KCNMA1: variants seen among roughly 807,000 people sequenced by gnomAD.
KCNMA1 encodes Calcium-activated potassium channel subunit alpha-1.
Under a neutral mutation model 140.0 loss-of-function variants are expected in KCNMA1, and 29 were observed. The observed-to-expected ratio is 0.21, with a 90% CI of 0.15 to 0.28. The LOEUF (loss-of-function observed/expected upper bound fraction) is 0.28. Ranked by LOEUF, KCNMA1 falls within the 10% of genes least tolerant of loss-of-function variation. The pLI, the probability that KCNMA1 is intolerant of heterozygous loss-of-function variation, is 1.00. For missense variants in KCNMA1, 880 were observed against 1,602.2 expected (o/e 0.55, Z 7.70); for synonymous variants, 612 against 611.9 (o/e 1.00, Z 0.00).
intron 2 of KCNMA1, among the ~76,000 whole-genome samples, chr10:77,285,185 T>C (rs1232120475): frequency 6.6e-6 from 1 of 152,246 alleles, no homozygotes; most frequent in Non-Finnish European, 1.5e-5. Flanking sequence ...GAGCAGAACA[T>C]CATGTATATT....
intron 1 of KCNMA1, among the ~76,000 whole-genome samples, chr10:77,464,280 G>A (rs1212199990): frequency 4.6e-5 from 7 of 152,052 alleles, no homozygotes; most frequent in East Asian, 1.9e-4. Context: ...TGCAGGCCTC[G>A]GAAGCATGGG....
In KCNMA1 at chr10:77,001,494, G is replaced by A. The variant is rs1010200875; in HGVS notation, c.2179C>T (p.Arg727Cys). Reference sequence around the variant, plus strand: ...AGGGTGTCCACGTTACCACGCACACGGCCTGACATGCATGAGCAGTCACGC... The same window carrying A: ...AGGGTGTCCACGTTACCACGCACACAGCCTGACATGCATGAGCAGTCACGC... Reference protein sequence around the residue: ...SERDCSCMSGRVRGNVDTLER... With the variant: ...SERDCSCMSGCVRGNVDTLER... The change falls in exon 19 of 28, where the codon CGT (arginine) becomes TGT (cysteine). Residue 727 changes from arginine to cysteine, a missense_variant. Physicochemically the swap from Arg to Cys is radical, Grantham distance 180. Transcript: ENST00000286628. 15 of 1,551,768 alleles carry A rather than the reference G, an allele frequency of 9.7e-6. No individual in the cohort carries two copies. Among genetic ancestry groups the A allele is most frequent in the Middle Eastern group, 1.7e-4 (1 of 6,014 alleles).
intron 2 of KCNMA1, among the ~76,000 whole-genome samples, chr10:77,380,068 T>A (rs1010045447): frequency 6.6e-6 from 1 of 152,196 alleles, no homozygotes; most frequent in African/African-American, 2.4e-5. Flanking sequence ...TCATTATTAG[T>A]TGGGGTTACA....
chr10:77,018,189 T>G (rs12266321), intron 17 of KCNMA1, among the ~76,000 whole-genome samples: 3,568 of 152,294 alleles, frequency 0.023, 198 homozygotes, highest in East Asian at 0.2. Context: ...CAGGCCTGGC[T>G]TTGACTAGGA....
At chr10:77,274,137 T>C (rs1315591994) in intron 2 of KCNMA1, among the ~76,000 whole-genome samples, 2 of 152,148 alleles carry the variant, frequency 1.3e-5, no homozygotes, top group South Asian at 2.1e-4. Flanking sequence ...TTAAGGATCA[T>C]GACAAGCCAT....
chr10:77,339,752 C>T (rs529261965), intron 2 of KCNMA1, among the ~76,000 whole-genome samples: 1 of 152,360 alleles, frequency 6.6e-6, no homozygotes, highest in South Asian at 2.1e-4. Flanking sequence ...TAATCACCTT[C>T]CAGCCTCCCT....
At chr10:77,476,299 A>C (rs930770200) in intron 1 of KCNMA1, among the ~76,000 whole-genome samples, 1 of 152,228 alleles carries the variant, frequency 6.6e-6, no homozygotes, top group African/African-American at 2.4e-5. Context: ...AGATGGCCCC[A>C]GAAAGGGACT....
chr10:77,623,359 G>A (rs2091869314), intron 1 of KCNMA1, among the ~76,000 whole-genome samples: 1 of 152,120 alleles, frequency 6.6e-6, no homozygotes, highest in African/African-American at 2.4e-5. Flanking sequence ...CAGTACTACG[G>A]TGGCAATCAC....
At chr10:77,220,507 T>C (rs1169746787) in intron 3 of KCNMA1, among the ~76,000 whole-genome samples, 1 of 152,214 alleles carries the variant, frequency 6.6e-6, no homozygotes, top group African/African-American at 2.4e-5. Flanking sequence ...ATTTTTTAAA[T>C]GTCAGGAGAT....
rs2097256710 is a variant in KCNMA1, at chr10:77,108,937, GAC to G, written c.1132-367_1132-366del. ...ACACAGACACATGTGTGCATGCACA[GAC>G]ACACACAGTTTCGCAAGAGAAGATC... On this transcript the variant is annotated intron_variant, in intron 8 of 27. Transcript: ENST00000286628. The surrounding 1 kb of genome is among the most constrained non-coding windows in gnomAD (Gnocchi z 4.6). Among the ~76,000 whole-genome samples the G allele has an allele frequency of 6.6e-6, 1 of 151,928 alleles. No individual in the cohort carries two copies. The highest frequency in any genetic ancestry group is 1.5e-5 in the Non-Finnish European group (1 of 68,006).
At chr10:77,300,648 TA>T (rs1161071448) in intron 2 of KCNMA1, among the ~76,000 whole-genome samples, 2 of 152,224 alleles carry the variant, frequency 1.3e-5, no homozygotes, top group African/African-American at 4.8e-5. Flanking sequence ...GTATTTGAGT[TA>T]AGAAAATATG....
At chr10:77,012,696 G>C in intron 17 of KCNMA1, 4 of 713,772 alleles carry the variant, frequency 5.6e-6, no homozygotes, top group East Asian at 2.7e-5. Context: ...TGCACTAAAT[G>C]ATGGTTTTCT....
chr10:77,137,148 T>C (rs1177711119), intron 5 of KCNMA1, among the ~76,000 whole-genome samples: 1 of 152,098 alleles, frequency 6.6e-6, no homozygotes, highest in African/African-American at 2.4e-5. Context: ...TCAGGGTTCC[T>C]GTGATCCCCA....
chr10:76,904,633 C>T (rs1010433805), intron 25 of KCNMA1: 38 of 151,772 alleles, frequency 2.5e-4, no homozygotes, highest in African/African-American at 9.0e-4. Flanking sequence ...CTCATTAGCT[C>T]TTGTAGTAGG....
intron 5 of KCNMA1, among the ~76,000 whole-genome samples, chr10:77,153,079 C>T (rs992836274): frequency 6.6e-6 from 1 of 152,152 alleles, no homozygotes; most frequent in Non-Finnish European, 1.5e-5. Context: ...TGGAAACTGA[C>T]AATGCACATT....
chr10:76,924,619 C>G (rs1186480416), intron 23 of KCNMA1, among the ~76,000 whole-genome samples: 2 of 152,148 alleles, frequency 1.3e-5, no homozygotes, highest in Non-Finnish European at 2.9e-5. Context: ...CTGTAAGGGT[C>G]TGACAGGTCT....
At position 76,944,983 on chromosome 10, in the gene KCNMA1, GA is replaced by G. The variant is rs112408409; in HGVS notation, c.2710-19del. Reference sequence around the variant, plus strand: ...GGCGTACCCTTTGGCATAGAGGAAAGAAAAAAAAACAGAGATGGGGGGAGAA... The same window carrying G: ...GGCGTACCCTTTGGCATAGAGGAAAGAAAAAAAACAGAGATGGGGGGAGAA... On this transcript the variant is annotated intron_variant, in intron 22 of 27. Coordinates refer to ENST00000286628, the MANE Select transcript of KCNMA1 (RefSeq NM_001161352.2). 38 of 1,554,964 alleles carry G rather than the reference GA, an allele frequency of 2.4e-5. 1 individual carries two copies. Among genetic ancestry groups the G allele is most frequent in the Admixed American group, 1.4e-4 (8 of 57,178 alleles).
intron 1 of KCNMA1, among the ~76,000 whole-genome samples, chr10:77,606,366 T>G (rs915775502): frequency 6.6e-6 from 1 of 152,152 alleles, no homozygotes; most frequent in Non-Finnish European, 1.5e-5. Context: ...GCACAGTGGC[T>G]CACACCTGTA....
chr10:77,518,924 A>T (rs1320223713), intron 1 of KCNMA1, among the ~76,000 whole-genome samples: 1 of 152,214 alleles, frequency 6.6e-6, no homozygotes, highest in Admixed American at 6.5e-5. Context: ...CCTGCTGCCC[A>T]GCACCCACTG....
Sources: gnomAD v4.1 joint callset for allele counts (sites outside exome capture counted in the v4.1 genomes callset) on GRCh38, gnomAD v4.1.1 for gene constraint, Gnocchi (gnomAD v3.1) non-coding constraint, MANE v1.5 for transcripts, NCBI Gene and HGNC (gene_info 2026-07-23, HGNC 2026-07-21) for gene names.